AMOTL1: variants seen among roughly 807,000 people sequenced by gnomAD.
AMOTL1 encodes the protein angiomotin-like protein 1.
A neutral mutation model predicts 102.9 loss-of-function variants in AMOTL1; 45 were observed. That is an observed-to-expected ratio of 0.44 (90% CI 0.34 to 0.56). AMOTL1 has a LOEUF of 0.56. Ranked by LOEUF, AMOTL1 falls within the 20% of genes least tolerant of loss-of-function variation. AMOTL1 has a pLI of 0.01. For missense variants in AMOTL1, 1,114 were observed against 1,225.6 expected, an observed-to-expected ratio of 0.91 and a Z score of 1.36; for synonymous variants, 481 against 484.7, an observed-to-expected ratio of 0.99 and a Z score of 0.10.
intron 1 of AMOTL1, among the ~76,000 whole-genome samples, chr11:94,773,654 T>A (rs1164120552): frequency 2.6e-5 from 4 of 152,184 alleles, no homozygotes; most frequent in African/African-American, 4.8e-5. Context: ...ATAAAATTGG[T>A]TTGCTTTTGA....
intron 1 of AMOTL1, among the ~76,000 whole-genome samples, chr11:94,770,403 G>C (rs904880589): frequency 1.9e-4 from 29 of 151,878 alleles, no homozygotes; most frequent in African/African-American, 7.0e-4. Flanking sequence ...AAAAGGGTAG[G>C]ACATAGGTAG....
At chr11:94,721,011 G>T (rs1340290435) in intron 1 of AMOTL1, among the ~76,000 whole-genome samples, 1 of 152,104 alleles carries the variant, frequency 6.6e-6, no homozygotes, top group Non-Finnish European at 1.5e-5. Flanking sequence ...AAGTAAACAT[G>T]CTAAGGGGAA....
At chr11:94,739,994 C>A (rs1035965743) in intron 2 of AMOTL1, among the ~76,000 whole-genome samples, 1 of 152,220 alleles carries the variant, frequency 6.6e-6, no homozygotes, top group South Asian at 2.1e-4. Context: ...GAGCACTGCT[C>A]TTCTCTCCTC....
chr11:94,799,165 T>C lies in AMOTL1; in HGVS notation c.200-225T>C, dbSNP rs1420485214. 6.6e-6 allele frequency among the ~76,000 whole-genome samples: 1 copy of C among 151,920 alleles called. No homozygotes were observed. Among genetic ancestry groups the C allele is most frequent in the Non-Finnish European group, 1.5e-5 (1 of 67,968 alleles). ...AGGGAGGGGTTGAAGGATGGAACAA[T>C]GTTTAAGAGGAAGCAGAGGAGAGGG... On this transcript the variant is annotated intron_variant, in intron 2 of 12. Transcript: ENST00000433060. This position sits in a 1 kb window ranked among gnomAD's most constrained non-coding sequence, Gnocchi z 4.5.
chr11:94,707,190 T>C lies in AMOTL1; in HGVS notation c.-51+593T>C, dbSNP rs1237702516. Reference sequence around the variant, plus strand: ...ATATCTTAGTGCCTGACCCTATGAGTTCTTCCAAGAAAATATACATGAGGT... The same window carrying C: ...ATATCTTAGTGCCTGACCCTATGAGCTCTTCCAAGAAAATATACATGAGGT... On this transcript the variant is annotated intron_variant, in intron 1 of 4. Transcript: ENST00000299004. Among the ~76,000 whole-genome samples, 3 of 150,960 alleles carry C rather than the reference T, an allele frequency of 2.0e-5. No homozygotes were observed. In the East Asian group the frequency reaches 5.9e-4, roughly 29 times the overall value.
intron 1 of AMOTL1, among the ~76,000 whole-genome samples, chr11:94,728,604 G>C (rs2135455431): frequency 6.6e-6 from 1 of 152,154 alleles, no homozygotes; most frequent in African/African-American, 2.4e-5. Context: ...AAATAAAATT[G>C]AGATCCCACT....
intron 3 of AMOTL1, among the ~76,000 whole-genome samples, chr11:94,753,306 C>CTT (rs5793697): frequency 5.5e-5 from 6 of 108,302 alleles, no homozygotes; most frequent in African/African-American, 8.3e-5. Flanking sequence ...TGCTTTCCTG[C>CTT]TTTTTTTTTT....
intron 2 of AMOTL1, among the ~76,000 whole-genome samples, chr11:94,740,563 G>C (rs558931043): frequency 1.3e-5 from 2 of 151,768 alleles, no homozygotes; most frequent in Non-Finnish European, 2.9e-5. Flanking sequence ...CGGCTCCTCG[G>C]CGCTGGGGCG....
chr11:94,767,473 C>T (rs1196263560), upstream of AMOTL1, among the ~76,000 whole-genome samples: 1 of 152,124 alleles, frequency 6.6e-6, no homozygotes, highest in African/African-American at 2.4e-5. Flanking sequence ...TAAACAGAGG[C>T]AGGGAGCACC....
At position 94,830,134 on chromosome 11, in the gene AMOTL1, A is replaced by G; in HGVS notation, c.1498A>G (p.Met500Val). Residue 500 changes from methionine to valine, a missense_variant, in exon 5 of 13, where the codon ATG becomes GTG. Coordinates refer to ENST00000433060, the MANE Select transcript of AMOTL1 (RefSeq NM_130847.3). Reference protein sequence around the residue: ...TTKRESLDKAMRNKLEGEIRR... With the variant: ...TTKRESLDKAVRNKLEGEIRR... ...CAAGCGAGAATCGCTGGACAAGGCC[A>G]TGAGAAACAAATTGGAAGGCGAGAT... is the stretch of plus-strand genomic sequence containing the variant. The G allele has an allele frequency of 2.5e-6, 4 of 1,611,476 alleles. No homozygotes were observed. The highest frequency in any genetic ancestry group is 3.3e-4 in the Middle Eastern group (2 of 6,062).
intron 6 of AMOTL1, among the ~76,000 whole-genome samples, chr11:94,840,493 G>A (rs914915057): frequency 1.3e-5 from 2 of 151,842 alleles, no homozygotes; most frequent in African/African-American, 4.8e-5. Flanking sequence ...TAAAAGAAGG[G>A]AGAGAATATA....
chr11:94,817,696 T>C (rs184135177), intron 3 of AMOTL1, among the ~76,000 whole-genome samples: 69 of 152,320 alleles, frequency 4.5e-4, no homozygotes. Context: ...AAAAGGTGTT[T>C]TTTATAATCA....
At chr11:94,837,391 T>G (rs1952206160) in intron 6 of AMOTL1, among the ~76,000 whole-genome samples, 1 of 152,238 alleles carries the variant, frequency 6.6e-6, no homozygotes, top group African/African-American at 2.4e-5. Flanking sequence ...TCTCCCTGCC[T>G]TCTTGCATCT....
intron 6 of AMOTL1, among the ~76,000 whole-genome samples, chr11:94,837,002 G>A (rs1371793525): frequency 6.6e-6 from 1 of 152,178 alleles, no homozygotes; most frequent in Non-Finnish European, 1.5e-5. Context: ...GGACACTGCA[G>A]ATCTACACCA....
rs551220386 is a variant in AMOTL1 at position 94,840,654 on chromosome 11, G to GTATATATATATATATATA, written c.1648+9124_1648+9141dup. Among the ~76,000 whole-genome samples, 135 of 111,208 alleles carry GTATATATATATATATATA rather than the reference G, an allele frequency of 1.2e-3. 1 individual carries two copies. Among genetic ancestry groups the GTATATATATATATATATA allele is most frequent in the African/African-American group, 2.6e-3 (65 of 24,950 alleles). The allele number at this position is 111,208 out of a possible 152,430, so 73.0% of individuals were successfully genotyped here. ...CATTCAGAGGGGCCACTTAAAAAAC[G>GTATATATATATATATATA]TATATATATATATATATATATATAT... is the stretch of plus-strand genomic sequence containing the variant. On this transcript the variant is annotated intron_variant, in intron 6 of 12. Transcript: ENST00000433060.
intron 3 of AMOTL1, among the ~76,000 whole-genome samples, chr11:94,744,815 T>A (rs975002038): frequency 6.6e-6 from 1 of 152,142 alleles, no homozygotes; most frequent in Non-Finnish European, 1.5e-5. Context: ...ATTCTATGAG[T>A]CAGCACATGT....
chr11:94,722,418 A>G (rs1438315692), intron 1 of AMOTL1, among the ~76,000 whole-genome samples: 1 of 152,096 alleles, frequency 6.6e-6, no homozygotes, highest in Non-Finnish European at 1.5e-5. Flanking sequence ...TACTATTGTC[A>G]TTTACTTAGT....
At chr11:94,857,833 G>T (rs1156885693) in intron 8 of AMOTL1, among the ~76,000 whole-genome samples, 1 of 152,054 alleles carries the variant, frequency 6.6e-6, no homozygotes, top group East Asian at 1.9e-4. Context: ...CTGGTACATG[G>T]TACATGCTCA....
chr11:94,712,760 A>G (rs1038631337), intron 1 of AMOTL1, among the ~76,000 whole-genome samples: 1 of 152,050 alleles, frequency 6.6e-6, no homozygotes, highest in African/African-American at 2.4e-5. Context: ...TATGGTTTGC[A>G]GATATTCTCT....
Sources: allele counts gnomAD v4.1 joint callset (sites outside exome capture counted in the v4.1 genomes callset), GRCh38; gene constraint gnomAD v4.1.1; non-coding constraint Gnocchi (gnomAD v3.1); transcripts MANE v1.5; gene names NCBI Gene and HGNC (gene_info 2026-07-23, HGNC 2026-07-21).